NLRP6: variants seen among roughly 807,000 people sequenced by gnomAD.
NLRP6 encodes NLR family pyrin domain containing 6, also known as NACHT, LRR and PYD domains-containing protein 6.
NLRP6 carries 55 observed loss-of-function variants against 70.9 expected under a neutral mutation model. The observed-to-expected ratio is 0.78, with a 90% CI of 0.62 to 0.97. The LOEUF is 0.97. Ranked by LOEUF, NLRP6 falls within the 50% of genes least tolerant of loss-of-function variation. NLRP6 has a pLI of 0.00. For synonymous variants in NLRP6, 652 were observed against 581.9 expected (o/e 1.12, Z -1.73); for missense variants, 1,241 against 1,238.3 (o/e 1.00, Z -0.03).
intron 5 of NLRP6, among the ~76,000 whole-genome samples, chr11:283,515 G>A (rs1001282161): frequency 3.3e-5 from 5 of 151,912 alleles, no homozygotes; most frequent in African/African-American, 1.2e-4. Flanking sequence ...GGGTTTCACC[G>A]GGTTAGCCAG....
Position 285,046 on chromosome 11 carries a change from G to GCCGCCC in NLRP6, c.2538-118_2538-117insGCCCCC, listed in dbSNP as rs1482087802. ...CAGCCCAGTCACTGCCCGCAGCCCG[G>GCCGCCC]CCACCCCCACGGCACTGCCCGTCAC... is the stretch of plus-strand genomic sequence containing the variant. On this transcript the variant is annotated intron_variant, in intron 7 of 7. Transcript: ENST00000534750. The GCCGCCC allele has an allele frequency of 8.0e-5, 65 of 807,554 alleles. 1 individual carries two copies. The highest frequency in any genetic ancestry group is 3.5e-4 in the Middle Eastern group (1 of 2,868). The allele number at this position is 807,554 out of a possible 1,614,324, so 50.0% of individuals were successfully genotyped here.
Position 283,554 on chromosome 11 carries a change from C to T in NLRP6, c.2199-676C>T, listed in dbSNP as rs1247305946. Among the ~76,000 whole-genome samples the T allele has an allele frequency of 3.3e-5, 5 of 152,202 alleles. No homozygotes were observed. In the East Asian group the frequency reaches 9.7e-4, roughly 29 times the overall value. On this transcript the variant is annotated intron_variant, in intron 5 of 7. Transcript: ENST00000534750. ...AGTCTCGATCTCCTGACCTCGTGAT[C>T]CACCCGCCTCTGCCTCCCAAAGTGC...
In NLRP6 at chr11:279,639, G is replaced by A. The variant is rs747438188; in HGVS notation, c.310+32G>A. ...TCTGCGCGGGAGGTCCCTCCTGTCT[G>A]GGCAGAGGCTGGGCTGCCCTCCTTC... On this transcript the variant is annotated intron_variant, in intron 2 of 7. Coordinates refer to ENST00000534750, the MANE Select transcript of NLRP6 (RefSeq NM_001276700.2). 2.2e-6 allele frequency: 3 copies of A among 1,385,168 alleles called. No individual in the cohort carries two copies. The South Asian group carries it at 4.8e-5, about 22-fold the overall frequency. 85.8% of individuals were successfully genotyped at this position (1,385,168 alleles called of 1,614,324 possible).
chr11:284,431 T>A (rs756933502), intron 6 of NLRP6, 31 bp downstream of exon 6: 88 of 1,601,668 alleles, frequency 5.5e-5, no homozygotes, highest in Non-Finnish European at 7.2e-5. Context: ...GACCGTGGGA[T>A]GCCCCCGCCA....
At chr11:284,424 C>A (rs766344598) in intron 6 of NLRP6, 24 bp downstream of exon 6, 1 of 1,600,666 alleles carries the variant, frequency 6.2e-7, no homozygotes, top group East Asian at 2.2e-5. Context: ...TGGGAGGGAC[C>A]GTGGGATGCC....
Position 281,256 on chromosome 11 carries a change from GCA to G in NLRP6, c.1524_1525del (p.Leu509ValfsTer215). On this transcript the variant is annotated frameshift_variant, in exon 4 of 8. Coordinates refer to ENST00000534750, the MANE Select transcript of NLRP6 (RefSeq NM_001276700.2). LOFTEE classifies it high-confidence loss of function. ...CCAGAGCTTCCAGGAGTTCCTCGCG[GCA>G]CTGTCCTACCTGCTGGAGGACGGCG... is the stretch of plus-strand genomic sequence containing the variant. Reference protein sequence around the residue: ...IDQSFQEFLAALSYLLEDGGV... With the variant: ...IDQSFQEFLAXLSYLLEDGGV... The G allele has an allele frequency of 6.2e-7, 1 of 1,612,846 alleles. No homozygotes were observed. The highest frequency in any genetic ancestry group is 8.5e-7 in the Non-Finnish European group (1 of 1,179,742).
Position 280,626 on chromosome 11 carries a change from C to T in NLRP6, c.892C>T (p.Pro298Ser). The T allele has an allele frequency of 6.7e-7, 1 of 1,497,650 alleles. No individual in the cohort carries two copies. Among genetic ancestry groups the T allele is most frequent in the Non-Finnish European group, 8.8e-7 (1 of 1,132,954 alleles). 92.8% of individuals were successfully genotyped at this position (1,497,650 alleles called of 1,614,324 possible). Residue 298 changes from proline (P) to serine (S), a missense_variant, in exon 4 of 8, where the codon CCC (proline) becomes TCC (serine). By Grantham distance (74) the Pro-to-Ser change is moderately conservative. Coordinates refer to ENST00000534750, the MANE Select transcript of NLRP6 (RefSeq NM_001276700.2). ...GGPEAAPCTD[P>S]FEAASGARVL... is the part of the protein sequence containing the mutation. ...CCCCGAGGCCGCGCCCTGCACAGAC[C>T]CCTTCGAGGCGGCGAGCGGCGCGCG...
chr11:281,046 T>C lies in NLRP6; in HGVS notation c.1312T>C (p.Leu438=), dbSNP rs770675657. Residue 438 remains leucine (L), a synonymous_variant, in exon 4 of 8, where the codon TTG becomes CTG. Coordinates refer to ENST00000534750, the MANE Select transcript of NLRP6 (RefSeq NM_001276700.2). ...SSAPVADGPR[L]QGDLRNLCRL... ...GGCTCCGGTAGCCGACGGGCCCCGG[T>C]TGCAGGGCGACCTGCGCAATCTGTG... 8.7e-6 allele frequency: 14 copies of C among 1,612,988 alleles called. No individual in the cohort carries two copies. The Admixed American group carries it at 2.3e-4, about 27-fold the overall frequency.
At chr11:279,215 C>T in intron 1 of NLRP6, 112 bp from the exon 2 acceptor site, 1 of 935,804 alleles carries the variant, frequency 1.1e-6, no homozygotes, top group Non-Finnish European at 1.4e-6. Flanking sequence ...CGATGCTTGG[C>T]CCGGGACTCC....
rs1749550388 is a variant in NLRP6 at position 279,382 on chromosome 11, C to G, written c.85C>G (p.Leu29Val). 1 of 1,327,664 alleles carries G rather than the reference C, an allele frequency of 7.5e-7. No individual in the cohort carries two copies. Among genetic ancestry groups the G allele is most frequent in the Non-Finnish European group, 9.6e-7 (1 of 1,039,870 alleles). The allele number at this position is 1,327,664 out of a possible 1,614,324, so 82.2% of individuals were successfully genotyped here. A position where few individuals can be genotyped will look rare whatever the true frequency, so the allele number is the denominator to read the frequency against. ...GCTGCTCCTGGCTGCGCTGGAGGAA[C>G]TGAGCCAAGAGCAGCTGAAGCGCTT... ...RELLLAALEE[L>V]SQEQLKRFRH... Residue 29 changes from leucine to valine, a missense_variant, in exon 2 of 8, where the codon CTG (leucine) becomes GTG (valine). Physicochemically the swap from Leu to Val is conservative, Grantham distance 32 (BLOSUM62 1). Transcript: ENST00000534750.
chr11:279,570 C>G lies in NLRP6; in HGVS notation c.273C>G (p.Arg91=), dbSNP rs1845436627. The G allele has an allele frequency of 7.0e-7, 1 of 1,424,334 alleles. No homozygotes were observed. Among genetic ancestry groups the G allele is most frequent in the Non-Finnish European group, 9.1e-7 (1 of 1,093,462 alleles). 88.2% of individuals were successfully genotyped at this position (1,424,334 alleles called of 1,614,324 possible). The part of the protein sequence containing the change: ...ARKTLKRADA[R]DVAAQLQERR... ...AGACCCTCAAGAGGGCGGACGCGCG[C>G]GACGTGGCGGCGCAGCTCCAGGAGC... is the stretch of plus-strand genomic sequence containing the variant. The change falls in exon 2 of 8, where the codon CGC becomes CGG. Residue 91 remains arginine (R), a synonymous_variant. Coordinates refer to ENST00000534750, the MANE Select transcript of NLRP6 (RefSeq NM_001276700.2).
Position 281,848 on chromosome 11 carries a change from C to G in NLRP6, c.2105+9C>G, listed in dbSNP as rs1369106650. The G allele has an allele frequency of 6.4e-7, 1 of 1,561,824 alleles. No individual in the cohort carries two copies. The highest frequency in any genetic ancestry group is 1.4e-5 in the African/African-American group (1 of 74,028). Reference sequence around the variant, plus strand: ...AGCCTGGGTGGCGGCAGGTGCGTCTCCAGGGCAGAGATACTCTCTTGTGTG... The same window carrying G: ...AGCCTGGGTGGCGGCAGGTGCGTCTGCAGGGCAGAGATACTCTCTTGTGTG... On this transcript the variant is annotated intron_variant, in intron 4 of 7. Transcript: ENST00000534750.
chr11:284,312 G>A lies in NLRP6; in HGVS notation c.2281G>A (p.Gly761Ser), dbSNP rs373010902. 1.9e-6 allele frequency: 3 copies of A among 1,612,438 alleles called. No individual in the cohort carries two copies. The highest frequency in any genetic ancestry group is 1.1e-5 in the South Asian group (1 of 91,078). ...GGCAGCCCCCGCACTGACGGAGCTG[G>A]GCCTCCTCCACAACAGGCTCAGTGA... ...LRAAPALTEL[G>S]LLHNRLSEAG... Residue 761 changes from glycine (G) to serine (S), a missense_variant, in exon 6 of 8, where the codon GGC (glycine) becomes AGC (serine). Coordinates refer to ENST00000534750, the MANE Select transcript of NLRP6 (RefSeq NM_001276700.2).
intron 5 of NLRP6, among the ~76,000 whole-genome samples, chr11:283,573 A>G (rs1845509519): frequency 6.6e-6 from 1 of 152,078 alleles, no homozygotes; most frequent in South Asian, 2.1e-4. Flanking sequence ...TCTGCCTCCC[A>G]AAGTGCTGGG....
Position 278,478 on chromosome 11 carries a change from TA to T in NLRP6, c.-90del. On this transcript the variant is annotated 5_prime_UTR_variant, in exon 1 of 8. The change creates a premature stop within an existing upstream ORF in the 5' untranslated region. Transcript: ENST00000534750. The surrounding 1 kb of genome is among the most constrained non-coding windows in gnomAD (Gnocchi z 4.7). ...GGAATGGACCGGGCTGGACAACCTCTAAGACTTGGCTCCAGCTCAGCCTGTG... is the reference window on the plus strand; with the variant it reads ...GGAATGGACCGGGCTGGACAACCTCTAGACTTGGCTCCAGCTCAGCCTGTG... The T allele has an allele frequency of 8.7e-7, 1 of 1,144,602 alleles. No homozygotes were observed. Among genetic ancestry groups the T allele is most frequent in the Non-Finnish European group, 1.2e-6 (1 of 824,910 alleles). 70.9% of individuals were successfully genotyped at this position (1,144,602 alleles called of 1,614,324 possible). A position where few individuals can be genotyped will look rare whatever the true frequency, so the allele number is the denominator to read the frequency against.
Position 280,578 on chromosome 11 carries a change from G to T in NLRP6, c.844G>T (p.Asp282Tyr). ...GCTGCTCTTCATCCTGGACGGCGCG[G>T]ACGAGCTGCCGGCGCTGGGGGGCCC... ...QRLLFILDGA[D>Y]ELPALGGPEA... Residue 282 changes from aspartate (D) to tyrosine (Y), a missense_variant, in exon 4 of 8, where the codon GAC becomes TAC. Physicochemically the swap from Asp to Tyr is radical, Grantham distance 160. Coordinates refer to ENST00000534750, the MANE Select transcript of NLRP6 (RefSeq NM_001276700.2). 6.8e-7 allele frequency: 1 copy of T among 1,462,206 alleles called. No homozygotes were observed. Among genetic ancestry groups the T allele is most frequent in the Non-Finnish European group, 8.9e-7 (1 of 1,120,886 alleles). The allele number at this position is 1,462,206 out of a possible 1,614,324, so 90.6% of individuals were successfully genotyped here.
chr11:284,605 G>T lies in NLRP6; in HGVS notation c.2500G>T (p.Val834Phe). The T allele has an allele frequency of 1.2e-6, 2 of 1,610,772 alleles. No homozygotes were observed. The highest frequency in any genetic ancestry group is 8.5e-7 in the Non-Finnish European group (1 of 1,179,740). ...CCCCATGGTGACCTACCTGTGTGCA[G>T]TCCTGCAGCACCAGGGATGCGGCCT... ...PAPMVTYLCA[V>F]LQHQGCGLQT... is the part of the protein sequence containing the mutation. The change falls in exon 7 of 8, where the codon GTC (valine) becomes TTC (phenylalanine). Residue 834 changes from valine to phenylalanine, a missense_variant. Transcript: ENST00000534750.
intron 7 of NLRP6, 100 bp from the exon 8 acceptor site, chr11:285,066 C>A: frequency 9.4e-7 from 1 of 1,061,866 alleles, no homozygotes; most frequent in East Asian, 2.6e-5. Flanking sequence ...CGGCACTGCC[C>A]GTCACTGCCC....
In NLRP6 at chr11:280,847, C is replaced by A; in HGVS notation, c.1113C>A (p.Ala371=). 1 of 1,613,336 alleles carries A rather than the reference C, an allele frequency of 6.2e-7. No individual in the cohort carries two copies. The highest frequency in any genetic ancestry group is 8.5e-7 in the Non-Finnish European group (1 of 1,179,974). The stretch of plus-strand genomic sequence containing the variant: ...GGGATGAGAGGAGGGCCGAGCGCGC[C>A]TACCGCTTCGTGAAGGAGAACGAGA... The part of the protein sequence containing the change: ...YFRDERRAER[A]YRFVKENETL... Residue 371 remains alanine (A), a synonymous_variant, in exon 4 of 8, where the codon GCC becomes GCA. Transcript: ENST00000534750.
Sources: allele counts gnomAD v4.1 joint callset (sites outside exome capture counted in the v4.1 genomes callset), GRCh38; gene constraint gnomAD v4.1.1; non-coding constraint Gnocchi (gnomAD v3.1); transcripts MANE v1.5; gene names NCBI Gene and HGNC (gene_info 2026-07-23, HGNC 2026-07-21).